The following SBF2 variants were observed in gnomAD, a reference collection of about 807,000 sequenced individuals.
SBF2 encodes the protein SET binding factor 2.
A neutral mutation model predicts 225.2 loss-of-function variants in SBF2; 112 were observed. That is an observed-to-expected ratio of 0.50 (90% confidence interval 0.43 to 0.58). The LOEUF is 0.58. Ranked by LOEUF, SBF2 falls within the 20% of genes least tolerant of loss-of-function variation. The pLI, the probability that SBF2 is intolerant of heterozygous loss-of-function variation, is 0.00. For synonymous variants in SBF2, 763 were observed against 773.3 expected (o/e 0.99, Z 0.22); for missense variants, 1,996 against 2,206.2 (o/e 0.90, Z 1.91).
chr11:10,017,926 A>G (rs1948711742), intron 6 of SBF2, among the ~76,000 whole-genome samples: 1 of 152,276 alleles, frequency 6.6e-6, no homozygotes, highest in South Asian at 2.1e-4. Context: ...CTCTGAGGTA[A>G]TAACATCAGA....
At chr11:10,217,399 T>G (rs1958170273) in intron 1 of SBF2, among the ~76,000 whole-genome samples, 1 of 152,198 alleles carries the variant, frequency 6.6e-6, no homozygotes, top group Admixed American at 6.5e-5. Flanking sequence ...AATGACTATT[T>G]TGTTTACAAA....
chr11:9,838,145 T>A (rs781310875), intron 26 of SBF2: 2 of 151,986 alleles, frequency 1.3e-5, no homozygotes, highest in African/African-American at 4.8e-5. Flanking sequence ...AATTTAAATC[T>A]ACCATCTTAC....
rs1030767866 is a variant in SBF2 at position 10,173,515 on chromosome 11, C to A, written c.141+20387G>T. On this transcript the variant is annotated intron_variant, in intron 2 of 39. Coordinates refer to ENST00000256190, the MANE Select transcript of SBF2 (RefSeq NM_030962.4). Reference sequence around the variant, plus strand: ...CACCTGGCTGGGAGGGTCCTACGCCCACGGAGTCTCGCTGATTGCTAGCAC... The same window carrying A: ...CACCTGGCTGGGAGGGTCCTACGCCAACGGAGTCTCGCTGATTGCTAGCAC... Among the ~76,000 whole-genome samples the A allele has an allele frequency of 3.7e-4, 56 of 152,220 alleles. 1 individual carries two copies. The highest frequency in any genetic ancestry group is 5.9e-4 in the Non-Finnish European group (40 of 68,038).
chr11:9,869,530 G>C lies in SBF2; in HGVS notation c.1930-11134C>G, dbSNP rs147001784. 5.4e-4 allele frequency among the ~76,000 whole-genome samples: 82 copies of C among 152,166 alleles called. No individual in the cohort carries two copies. In the East Asian group the frequency reaches 0.013, roughly 24 times the overall value. The stretch of plus-strand genomic sequence containing the variant: ...GACAGGGTTTCGCCATGTTGGCCAG[G>C]CTAGTCACGGTTCAACATATGCAGA... On this transcript the variant is annotated intron_variant, in intron 17 of 39. Coordinates refer to ENST00000256190, the MANE Select transcript of SBF2 (RefSeq NM_030962.4).
intron 21 of SBF2, among the ~76,000 whole-genome samples, chr11:9,851,301 G>A (rs1351138400): frequency 1.3e-5 from 2 of 152,172 alleles, no homozygotes; most frequent in Non-Finnish European, 2.9e-5. Context: ...AGTTAAGGGT[G>A]GAGGTGGAGG....
chr11:10,264,851 T>G (rs1200799372), intron 1 of SBF2, among the ~76,000 whole-genome samples: 1 of 152,082 alleles, frequency 6.6e-6, no homozygotes, highest in Non-Finnish European at 1.5e-5. Context: ...TTTCTGTTCT[T>G]AGGATAGTTT....
intron 32 of SBF2, among the ~76,000 whole-genome samples, chr11:9,803,493 TAATAA>T (rs1853609404): frequency 1.3e-5 from 2 of 148,460 alleles, no homozygotes; most frequent in Non-Finnish European, 1.5e-5. Flanking sequence ...CCATCCCCAA[TAATAA>T]AATAGAAGAA....
chr11:10,005,378 G>T (rs1948147738), intron 6 of SBF2, among the ~76,000 whole-genome samples: 1 of 152,114 alleles, frequency 6.6e-6, no homozygotes, highest in Admixed American at 6.6e-5. Context: ...CACCCCAAGG[G>T]AAGAATCTGG....
intron 16 of SBF2, among the ~76,000 whole-genome samples, chr11:9,938,469 CAA>C (rs558732919): frequency 0.011 from 1,339 of 118,646 alleles, 84 homozygotes; most frequent in Admixed American, 0.097. Context: ...TTAAAAAGTA[CAA>C]AAAAAAAAAA....
At chr11:10,287,594 T>G (rs976490327) in intron 1 of SBF2, among the ~76,000 whole-genome samples, 10 of 152,046 alleles carry the variant, frequency 6.6e-5, no homozygotes, top group African/African-American at 2.4e-4. Flanking sequence ...ATATCTTGAT[T>G]GCAGTAGTGG....
chr11:10,175,152 C>T (rs904875355), intron 2 of SBF2, among the ~76,000 whole-genome samples: 1 of 149,382 alleles, frequency 6.7e-6, no homozygotes, highest in Non-Finnish European at 1.5e-5. Context: ...ATCAAATTCA[C>T]ACATAACAAT....
In SBF2 at chr11:9,782,843, C is replaced by G. The variant is rs56851842; in HGVS notation, c.5320-1205G>C. 7.5e-3 allele frequency among the ~76,000 whole-genome samples: 1,117 copies of G among 147,994 alleles called. 16 individuals carry two copies. Among genetic ancestry groups the G allele is most frequent in the African/African-American group, 0.026 (1,048 of 40,184 alleles). On this transcript the variant is annotated intron_variant, in intron 38 of 39. Coordinates refer to ENST00000256190, the MANE Select transcript of SBF2 (RefSeq NM_030962.4). ...CGAGATTGCACCACTGCACTCCAGCCTGGGTGACAAAGCGAGACTCTGTCT... is the reference window on the plus strand; with the variant it reads ...CGAGATTGCACCACTGCACTCCAGCGTGGGTGACAAAGCGAGACTCTGTCT...
upstream of SBF2, among the ~76,000 whole-genome samples, chr11:10,296,157 G>C (rs759913699): frequency 1.3e-5 from 2 of 151,854 alleles, no homozygotes; most frequent in African/African-American, 4.8e-5. Context: ...TTTGTGTCTT[G>C]GTTTTTCTCA....
chr11:9,942,838 C>CA (rs1156397502), intron 16 of SBF2, among the ~76,000 whole-genome samples: 3 of 115,204 alleles, frequency 2.6e-5, no homozygotes, highest in Admixed American at 9.9e-5. Flanking sequence ...GACCCTGTCT[C>CA]AAAAAAAACA....
intron 2 of SBF2, among the ~76,000 whole-genome samples, chr11:10,172,109 T>C (rs1256322907): frequency 6.6e-6 from 1 of 152,116 alleles, no homozygotes; most frequent in Non-Finnish European, 1.5e-5. Context: ...TGATCTTTTG[T>C]ATTGTTTTCT....
At chr11:9,895,903 T>C (rs757161313) in intron 17 of SBF2, 40 bp downstream of exon 17, 2 of 1,421,712 alleles carry the variant, frequency 1.4e-6, no homozygotes, top group Non-Finnish European at 2.0e-6. Context: ...TACATTTATG[T>C]AAATCATAAC....
At chr11:10,077,787 G>A (rs999549436) in intron 2 of SBF2, among the ~76,000 whole-genome samples, 2 of 152,124 alleles carry the variant, frequency 1.3e-5, no homozygotes, top group Non-Finnish European at 2.9e-5. Flanking sequence ...ATAGACAAAT[G>A]GGATCTAATT....
chr11:9,830,850 A>C (rs975352765), intron 27 of SBF2, among the ~76,000 whole-genome samples: 1 of 152,168 alleles, frequency 6.6e-6, no homozygotes, highest in African/African-American at 2.4e-5. Flanking sequence ...AAATATAGTA[A>C]ATTTAAATTA....
intron 16 of SBF2, among the ~76,000 whole-genome samples, chr11:9,937,767 ATAGGTATTAAATAAG>A (rs1189620263): frequency 1.3e-5 from 2 of 152,148 alleles, no homozygotes; most frequent in Non-Finnish European, 2.9e-5. Context: ...GGTAAAATGG[ATAGGTATTAAATAAG>A]TATGTAAAAG....
Sources: allele counts gnomAD v4.1 joint callset (sites outside exome capture counted in the v4.1 genomes callset), GRCh38; gene constraint gnomAD v4.1.1; transcripts MANE v1.5; gene names NCBI Gene and HGNC (gene_info 2026-07-23, HGNC 2026-07-21).